The following HHATL variants were observed in gnomAD, a reference collection of about 807,000 sequenced individuals.
HHATL encodes hedgehog acyltransferase like.
In HHATL, 49 loss-of-function variants were observed where a neutral mutation model predicts 59.7. That is an observed-to-expected ratio of 0.82 (90% CI 0.65 to 1.04). HHATL has a LOEUF of 1.04. HHATL is among the 50% of genes least tolerant of loss of function. The pLI, the probability that HHATL is intolerant of heterozygous loss-of-function variation, is 0.00. For missense variants in HHATL, 605 were observed against 650.8 expected (o/e 0.93, Z 0.77); for synonymous variants, 238 against 257.3 (o/e 0.93, Z 0.72).
At chr3:42,694,098 G>T in intron 9 of HHATL, 1 of 473,908 alleles carries the variant, frequency 2.1e-6, no homozygotes, top group Non-Finnish European at 3.8e-6. Context: ...CCCTAAATCT[G>T]TGTCTTTAGC....
At chr3:42,695,382 G>A (rs1697561788) in intron 9 of HHATL, among the ~76,000 whole-genome samples, 1 of 152,202 alleles carries the variant, frequency 6.6e-6, no homozygotes, top group South Asian at 2.1e-4. Context: ...CCATCTGGGA[G>A]AGCCCAATCA....
At position 42,701,030 on chromosome 3, in the gene HHATL, A is replaced by G; in HGVS notation, c.-13-191T>C. Reference sequence around the variant, plus strand: ...ACAGGCCACCGAACACCAGTGCCCCATCCCAGCTGCTGCTCTTGCCCCCAC... The same window carrying G: ...ACAGGCCACCGAACACCAGTGCCCCGTCCCAGCTGCTGCTCTTGCCCCCAC... On this transcript the variant is annotated intron_variant, in intron 1 of 11. Coordinates refer to ENST00000441594, the MANE Select transcript of HHATL (RefSeq NM_020707.4). This position sits in a 1 kb window ranked among gnomAD's most constrained non-coding sequence, Gnocchi z 5.1. 1.8e-6 allele frequency: 1 copy of G among 543,584 alleles called. No individual in the cohort carries two copies. Among genetic ancestry groups the G allele is most frequent in the Non-Finnish European group, 3.3e-6 (1 of 301,648 alleles). The allele number at this position is 543,584 out of a possible 1,614,324, so 33.7% of individuals were successfully genotyped here. A position where few individuals can be genotyped will look rare whatever the true frequency, so the allele number is the denominator to read the frequency against.
chr3:42,697,762 G>A (rs1697702479), intron 6 of HHATL, 83 bp from the exon 7 acceptor site: 14 of 1,401,846 alleles, frequency 1.0e-5, no homozygotes, highest in Admixed American at 2.1e-5. Flanking sequence ...AACTACTTGG[G>A]GCAGGAGGAG....
intron 9 of HHATL, among the ~76,000 whole-genome samples, chr3:42,695,735 CT>C (rs1202920367): frequency 6.6e-6 from 1 of 152,164 alleles, no homozygotes; most frequent in African/African-American, 2.4e-5. Flanking sequence ...GAATCCCTTA[CT>C]TGTCTACATT....
At position 42,693,230 on chromosome 3, in the gene HHATL, A is replaced by T; in HGVS notation, c.1249-12T>A. On this transcript the variant is annotated splice_polypyrimidine_tract_variant and intron_variant, in intron 10 of 11. Coordinates refer to ENST00000441594, the MANE Select transcript of HHATL (RefSeq NM_020707.4). Reference sequence around the variant, plus strand: ...ACTGACAGAGAGGCCTATCCGGTCCAGGAAAGCATGGGCAGCGGGACAAGA... The same window carrying T: ...ACTGACAGAGAGGCCTATCCGGTCCTGGAAAGCATGGGCAGCGGGACAAGA... 6.2e-7 allele frequency: 1 copy of T among 1,613,088 alleles called. No homozygotes were observed. The highest frequency in any genetic ancestry group is 8.5e-7 in the Non-Finnish European group (1 of 1,179,270).
rs1329718448 is a variant in HHATL at position 42,699,818 on chromosome 3, G to A, written c.114C>T (p.Ala38=). The change falls in exon 3 of 12, where the codon GCC becomes GCT. Residue 38 remains alanine (A), a synonymous_variant. Coordinates refer to ENST00000441594, the MANE Select transcript of HHATL (RefSeq NM_020707.4). ...CAGACTCCCGGAAGGCCTTCCTGTG[G>A]GCCCCATCTGAGAACAGAGTGTGGC... is the stretch of plus-strand genomic sequence containing the variant. ...RGLLEASQDG[A]HRKAFRESVR... 6.4e-6 allele frequency: 10 copies of A among 1,562,476 alleles called. No homozygotes were observed. Among genetic ancestry groups the A allele is most frequent in the African/African-American group, 1.4e-5 (1 of 73,680 alleles).
chr3:42,699,194 G>A (rs1697818140), intron 3 of HHATL, 49 bp from the exon 4 acceptor site: 4 of 1,387,542 alleles, frequency 2.9e-6, no homozygotes, highest in Non-Finnish European at 4.1e-6. Flanking sequence ...GGGTGGGAGA[G>A]GGGACAGGAC....
rs748091026 is a variant in HHATL at position 42,699,833 on chromosome 3, CAG to C, written c.107-10_107-9del. On this transcript the variant is annotated splice_polypyrimidine_tract_variant and intron_variant, in intron 2 of 11. Coordinates refer to ENST00000441594, the MANE Select transcript of HHATL (RefSeq NM_020707.4). ...CCTTCCTGTGGGCCCCATCTGAGAA[CAG>C]AGTGTGGCCTCAGGGAGAGGGGCCT... is the stretch of plus-strand genomic sequence containing the variant. The C allele has an allele frequency of 1.1e-5, 17 of 1,556,178 alleles. No homozygotes were observed. In the Admixed American group the frequency reaches 3.3e-4, roughly 30 times the overall value.
Position 42,692,809 on chromosome 3 carries a change from C to T in HHATL, c.1457G>A (p.Arg486His), listed in dbSNP as rs539401061. The T allele has an allele frequency of 4.2e-5, 67 of 1,614,238 alleles. No individual in the cohort carries two copies. The highest frequency in any genetic ancestry group is 2.8e-4 in the African/African-American group (21 of 75,064). The change falls in exon 12 of 12, where the codon CGT becomes CAT. Residue 486 changes from arginine (R) to histidine (H), a missense_variant. By Grantham distance (29) the Arg-to-His change is conservative. Coordinates refer to ENST00000441594, the MANE Select transcript of HHATL (RefSeq NM_020707.4). ...TYCGVQLVKERERTLALEEEQ... is the reference protein window; with the variant it reads ...TYCGVQLVKEHERTLALEEEQ... ...CTCCTCCAGTGCCAAGGTTCGCTCACGCTCCTTTACCAGCTGGACGCCACA... is the reference window on the plus strand; with the variant it reads ...CTCCTCCAGTGCCAAGGTTCGCTCATGCTCCTTTACCAGCTGGACGCCACA...
Position 42,692,677 on chromosome 3 carries a change from C to T in HHATL, c.*74G>A. Reference sequence around the variant, plus strand: ...AACAGCCAAGCTGTTGTAGAAAAGTCTTTTATTCTATCGGTCAGGCCCCAT... The same window carrying T: ...AACAGCCAAGCTGTTGTAGAAAAGTTTTTTATTCTATCGGTCAGGCCCCAT... On this transcript the variant is annotated 3_prime_UTR_variant, in exon 12 of 12. Coordinates refer to ENST00000441594, the MANE Select transcript of HHATL (RefSeq NM_020707.4). 6.2e-7 allele frequency: 1 copy of T among 1,606,188 alleles called. No homozygotes were observed. The highest frequency in any genetic ancestry group is 8.5e-7 in the Non-Finnish European group (1 of 1,175,660).
At chr3:42,695,294 T>C (rs1184633485) in intron 9 of HHATL, among the ~76,000 whole-genome samples, 1 of 152,194 alleles carries the variant, frequency 6.6e-6, no homozygotes, top group African/African-American at 2.4e-5. Flanking sequence ...TTCACCACCG[T>C]CCTTAGCAGG....
At position 42,701,719 on chromosome 3, in the gene HHATL, G is replaced by T. The variant is rs370943279; in HGVS notation, c.-14+860C>A. 6.6e-6 allele frequency among the ~76,000 whole-genome samples: 1 copy of T among 152,348 alleles called. No individual in the cohort carries two copies. The highest frequency in any genetic ancestry group is 1.9e-4 in the East Asian group (1 of 5,188). On this transcript the variant is annotated intron_variant, in intron 1 of 11. Transcript: ENST00000441594. The surrounding 1 kb of genome is among the most constrained non-coding windows in gnomAD (Gnocchi z 5.1). The stretch of plus-strand genomic sequence containing the variant: ...CTGGAGAACTGCTGGGCCGTACTAC[G>T]GCTCAGCTAGCACCTTTACCCTTCC...
At chr3:42,692,936 C>T in intron 11 of HHATL, 61 bp from the exon 12 acceptor site, 2 of 1,590,296 alleles carry the variant, frequency 1.3e-6, no homozygotes, top group East Asian at 2.2e-5. Flanking sequence ...CGACTTTTGT[C>T]TTCCCACCCC....
In HHATL at chr3:42,693,236, G is replaced by A; in HGVS notation, c.1249-18C>T. The A allele has an allele frequency of 6.2e-7, 1 of 1,612,392 alleles. No individual in the cohort carries two copies. The highest frequency in any genetic ancestry group is 1.1e-5 in the South Asian group (1 of 91,032). ...AGAGAGGCCTATCCGGTCCAGGAAA[G>A]CATGGGCAGCGGGACAAGAGGCCAA... On this transcript the variant is annotated intron_variant, in intron 10 of 11. Coordinates refer to ENST00000441594, the MANE Select transcript of HHATL (RefSeq NM_020707.4).
intron 7 of HHATL, 112 bp from the exon 8 acceptor site, chr3:42,697,257 G>A (rs1226489353): frequency 4.4e-6 from 6 of 1,352,370 alleles, no homozygotes; most frequent in African/African-American, 4.4e-5. Context: ...CCGCCCCACG[G>A]AGACCCCCCC....
rs934291025 is a variant in HHATL at position 42,697,410 on chromosome 3, G to A, written c.865+98C>T. The A allele has an allele frequency of 2.9e-6, 4 of 1,372,366 alleles. No homozygotes were observed. In the African/African-American group the frequency reaches 5.8e-5, roughly 20 times the overall value. 85.0% of individuals were successfully genotyped at this position (1,372,366 alleles called of 1,614,324 possible). ...CCCACGCCCTCAGGTGCTGTGCCCT[G>A]CGTGCCTCAGCTCCCCTGACTGTGG... On this transcript the variant is annotated intron_variant, in intron 7 of 11. Transcript: ENST00000441594.
At chr3:42,699,878 C>T in intron 2 of HHATL, 53 bp from the exon 3 acceptor site, 1 of 1,467,226 alleles carries the variant, frequency 6.8e-7, no homozygotes. Context: ...CCCTGCCCCA[C>T]CTTCCCCCGT....
At chr3:42,702,355 G>T (rs976924664) in intron 1 of HHATL, among the ~76,000 whole-genome samples, 4 of 152,240 alleles carry the variant, frequency 2.6e-5, no homozygotes, top group Non-Finnish European at 4.4e-5. Flanking sequence ...CCCCAGTGAG[G>T]CCTCTGCAAG....
intron 2 of HHATL, 33 bp from the exon 3 acceptor site, chr3:42,699,858 C>A (rs1449679598): frequency 5.9e-6 from 9 of 1,520,914 alleles, no homozygotes; most frequent in South Asian, 1.2e-5. Flanking sequence ...GGGAGAGGGG[C>A]CTTCACATCC....
Sources: allele counts gnomAD v4.1 joint callset (sites outside exome capture counted in the v4.1 genomes callset), GRCh38; gene constraint gnomAD v4.1.1; non-coding constraint Gnocchi (gnomAD v3.1); transcripts MANE v1.5; gene names NCBI Gene and HGNC (gene_info 2026-07-23, HGNC 2026-07-21).